ARHGEF9: variants seen among roughly 807,000 people sequenced by gnomAD.
The protein encoded by ARHGEF9 is Cdc42 guanine nucleotide exchange factor 9.
A neutral mutation model predicts 41.3 loss-of-function variants in ARHGEF9; 2 were observed. That is an observed-to-expected ratio of 0.05 (90% CI 0.02 to 0.15). The LOEUF (loss-of-function observed/expected upper bound fraction) is 0.15. ARHGEF9 is among the 10% of genes least tolerant of loss of function. The probability of loss-of-function intolerance (pLI) is 1.00; values close to 1 mark genes in which losing one functional copy is unlikely to be tolerated. For missense variants in ARHGEF9, 225 were observed against 424.7 expected (o/e 0.53, Z 4.13); for synonymous variants, 160 against 154.4 (o/e 1.04, Z -0.27).
Position 63,635,644 on chromosome X carries a change from G to C in ARHGEF9, c.*2384C>G, listed in dbSNP as rs782120488. Reference sequence around the variant, plus strand: ...TGATGCCAGTGGGTTCAGTAGAGGAGAAGTGCGGGTTGAGAAGTAATATCC... The same window carrying C: ...TGATGCCAGTGGGTTCAGTAGAGGACAAGTGCGGGTTGAGAAGTAATATCC... On this transcript the variant is annotated 3_prime_UTR_variant, in exon 10 of 10. Coordinates refer to ENST00000671741, the MANE Select transcript of ARHGEF9 (RefSeq NM_001353921.2). 5.0e-5 allele frequency: 17 copies of C among 340,488 alleles called. No individual in the cohort carries two copies. The highest frequency in any genetic ancestry group is 2.5e-4 in the Admixed American group (4 of 16,155). 28.1% of individuals were successfully genotyped at this position (340,488 alleles called of 1,213,427 possible). A position where few individuals can be genotyped will look rare whatever the true frequency, so the allele number is the denominator to read the frequency against.
At chrX:63,734,395 T>G (rs2054492119) in intron 1 of ARHGEF9, among the ~76,000 whole-genome samples, 1 of 112,216 alleles carries the variant, frequency 8.9e-6, no homozygotes, top group Admixed American at 9.4e-5. Flanking sequence ...TGGGATATTT[T>G]GGCACTTCTG....
intron 6 of ARHGEF9, among the ~76,000 whole-genome samples, chrX:63,666,453 TAC>T (rs782805278): frequency 1.4e-3 from 117 of 81,255 alleles, no homozygotes; most frequent in African/African-American, 5.0e-3. Flanking sequence ...TATATATACA[TAC>T]ACACACACAC....
At chrX:63,770,925 A>G (rs1397955995) in intron 1 of ARHGEF9, among the ~76,000 whole-genome samples, 2 of 112,495 alleles carry the variant, frequency 1.8e-5, no homozygotes, top group South Asian at 7.4e-4. Context: ...TCTTTTGCAA[A>G]TTGCCCAGTC....
intron 6 of ARHGEF9, among the ~76,000 whole-genome samples, chrX:63,673,403 T>C (rs1244127510): frequency 9.0e-6 from 1 of 111,256 alleles, no homozygotes; most frequent in African/African-American, 3.3e-5. Flanking sequence ...ATATGTGAAA[T>C]GTCATTACTC....
chrX:63,660,165 G>A (rs1322666438), intron 7 of ARHGEF9, among the ~76,000 whole-genome samples: 13 of 111,420 alleles, frequency 1.2e-4, no homozygotes, highest in African/African-American at 4.2e-4. Flanking sequence ...TGATAGACTG[G>A]ATAAAGAAAA....
At chrX:63,676,419 T>C (rs1417894228) in intron 5 of ARHGEF9, among the ~76,000 whole-genome samples, 1 of 112,368 alleles carries the variant, frequency 8.9e-6, no homozygotes, top group Non-Finnish European at 1.9e-5. Flanking sequence ...AGAAGCTGTA[T>C]CTCTCTCAGC....
chrX:63,697,999 C>G (rs1271996475), intron 3 of ARHGEF9, among the ~76,000 whole-genome samples: 8 of 109,450 alleles, frequency 7.3e-5, no homozygotes, highest in Non-Finnish European at 1.1e-4. Flanking sequence ...TCTCAACTAT[C>G]TGAGGTAGCT....
At chrX:63,778,746 C>G (rs1211851436) in intron 1 of ARHGEF9, among the ~76,000 whole-genome samples, 1 of 112,086 alleles carries the variant, frequency 8.9e-6, no homozygotes, top group Admixed American at 9.4e-5. Context: ...CTCTCAAGTT[C>G]AAAGTTCCAC....
chrX:63,691,327 C>T (rs782500877), intron 4 of ARHGEF9, among the ~76,000 whole-genome samples: 1 of 110,693 alleles, frequency 9.0e-6, no homozygotes, highest in East Asian at 2.8e-4. Flanking sequence ...AAAGCAGGTG[C>T]ACTTCTGTTT....
chrX:63,663,678 T>A (rs1474363465), intron 7 of ARHGEF9, among the ~76,000 whole-genome samples: 1 of 111,504 alleles, frequency 9.0e-6, no homozygotes, highest in Non-Finnish European at 1.9e-5. Flanking sequence ...CCCAGCTCTA[T>A]CTCAAGAAGA....
At chrX:63,711,423 A>G (rs1208424995) in intron 2 of ARHGEF9, among the ~76,000 whole-genome samples, 2 of 111,983 alleles carry the variant, frequency 1.8e-5, no homozygotes, top group African/African-American at 6.5e-5. Context: ...AACCTACAGT[A>G]ATCAAGAGAA....
At chrX:63,649,276 T>G (rs1299842198) in intron 8 of ARHGEF9, among the ~76,000 whole-genome samples, 2 of 111,118 alleles carry the variant, frequency 1.8e-5, no homozygotes, top group Non-Finnish European at 3.8e-5. Context: ...GAACTCAGGA[T>G]TAAGAAACTC....
intron 3 of ARHGEF9, among the ~76,000 whole-genome samples, chrX:63,700,408 C>T (rs1350962020): frequency 1.8e-5 from 2 of 111,704 alleles, no homozygotes; most frequent in Non-Finnish European, 3.8e-5. Context: ...CAGTGGTGAA[C>T]AGAGGGTAGA....
chrX:63,682,988 C>T (rs1343523946), intron 4 of ARHGEF9, among the ~76,000 whole-genome samples: 1 of 110,337 alleles, frequency 9.1e-6, no homozygotes, highest in African/African-American at 3.3e-5. Flanking sequence ...CTAACCATGG[C>T]AATCAGATAA....
intron 8 of ARHGEF9, among the ~76,000 whole-genome samples, chrX:63,647,615 C>T (rs1430541898): frequency 1.3e-4 from 14 of 111,452 alleles, no homozygotes; most frequent in African/African-American, 2.3e-4. Context: ...TTTTGATGTG[C>T]TGCTGGATTC....
In ARHGEF9 at chrX:63,637,461, C is replaced by T. The variant is rs1423219735; in HGVS notation, c.*567G>A. On this transcript the variant is annotated 3_prime_UTR_variant, in exon 10 of 10. Coordinates refer to ENST00000671741, the MANE Select transcript of ARHGEF9 (RefSeq NM_001353921.2). ...TGAAGGAACATTTGATAATGATTGG[C>T]TGAAGGAGAGGAGAAAGGAGCTCAT... The T allele has an allele frequency of 3.5e-6, 1 of 289,349 alleles. No homozygotes were observed. 23.8% of individuals were successfully genotyped at this position (289,349 alleles called of 1,213,427 possible). A position where few individuals can be genotyped will look rare whatever the true frequency, so the allele number is the denominator to read the frequency against.
chrX:63,654,016 T>TA (rs781816994), intron 8 of ARHGEF9, among the ~76,000 whole-genome samples: 2 of 109,081 alleles, frequency 1.8e-5, no homozygotes, highest in South Asian at 7.7e-4. Flanking sequence ...ATTAGACACA[T>TA]AAAAAAGGCT....
At chrX:63,773,585 T>A (rs1344472530) in intron 1 of ARHGEF9, among the ~76,000 whole-genome samples, 1 of 112,319 alleles carries the variant, frequency 8.9e-6, no homozygotes, top group Non-Finnish European at 1.9e-5. Context: ...TATGTGATAG[T>A]TAATTTTAAT....
At chrX:63,695,959 C>G (rs1216589530) in intron 4 of ARHGEF9, among the ~76,000 whole-genome samples, 1 of 111,599 alleles carries the variant, frequency 9.0e-6, no homozygotes, top group Non-Finnish European at 1.9e-5. Flanking sequence ...CTGTGTGACT[C>G]CATTGGGGGA....
Sources: gnomAD v4.1 joint callset for allele counts (sites outside exome capture counted in the v4.1 genomes callset) on GRCh38, gnomAD v4.1.1 for gene constraint, MANE v1.5 for transcripts, NCBI Gene and HGNC (gene_info 2026-07-23, HGNC 2026-07-21) for gene names.